The following LPCAT4 variants were observed in gnomAD, a reference collection of about 807,000 sequenced individuals.
LPCAT4 encodes lysophosphatidylcholine acyltransferase 4, also known as lysophospholipid acyltransferase LPCAT4.
Under a neutral mutation model 66.5 loss-of-function variants are expected in LPCAT4, and 30 were observed. The observed-to-expected ratio is 0.45, with a 90% CI of 0.34 to 0.61. LPCAT4 has a LOEUF of 0.61. Among genes scored for constraint, LPCAT4 ranks in the 20% least tolerant of loss-of-function variants. The pLI is 0.01. For synonymous variants in LPCAT4, 253 were observed against 262.1 expected, an observed-to-expected ratio of 0.97 and a Z score of 0.34; for missense variants, 557 against 656.7, an observed-to-expected ratio of 0.85 and a Z score of 1.66.
At position 34,364,071 on chromosome 15, in the gene LPCAT4, C is replaced by T. The variant is rs1320950995; in HGVS notation, c.594G>A (p.Val198=). Residue 198 remains valine (V), a splice_region_variant and synonymous_variant, in exon 5 of 14, where the codon GTG becomes GTA. Transcript: ENST00000314891. ...RATSGGKWPQ[V]LFFPEGTCSN... is the part of the protein sequence containing the mutation. ...AACAGGTGCCCTCAGGAAAGAATAG[C>T]ACCTGGGGTAAAAAAGAGCAGAATG... The T allele has an allele frequency of 1.2e-6, 2 of 1,612,912 alleles. No homozygotes were observed. Among genetic ancestry groups the T allele is most frequent in the South Asian group, 2.2e-5 (2 of 91,076 alleles).
Position 34,362,300 on chromosome 15 carries a change from G to C in LPCAT4, c.906C>G (p.Thr302=). 6.2e-7 allele frequency: 1 copy of C among 1,614,066 alleles called. No individual in the cohort carries two copies. Among genetic ancestry groups the C allele is most frequent in the Non-Finnish European group, 8.5e-7 (1 of 1,180,014 alleles). ...VMAQALGIPA[T]ECEFVGSLPV... ...GTAAGCTCCCTACAAACTCACATTC[G>C]GTGGCTGGAATGCCCAGAGCCCTAC... is the stretch of plus-strand genomic sequence containing the variant. The change falls in exon 10 of 14, where the codon ACC becomes ACG. Residue 302 remains threonine (T), a synonymous_variant. Transcript: ENST00000314891.
Position 34,363,186 on chromosome 15 carries a change from G to A in LPCAT4, c.746+236C>T, listed in dbSNP as rs1890990554. ...TGAGGGAGAAAATCACAGAAACATG[G>A]GAAGATAAATGCATAGCAGCCATAA... On this transcript the variant is annotated intron_variant, in intron 7 of 13. Transcript: ENST00000314891. This position sits in a 1 kb window ranked among gnomAD's most constrained non-coding sequence, Gnocchi z 4.3. Among the ~76,000 whole-genome samples, 1 of 152,160 alleles carries A rather than the reference G, an allele frequency of 6.6e-6. No homozygotes were observed. The highest frequency in any genetic ancestry group is 1.5e-5 in the Non-Finnish European group (1 of 68,026).
intron 13 of LPCAT4, 42 bp downstream of exon 13, chr15:34,359,546 GT>G: frequency 6.3e-7 from 1 of 1,593,578 alleles, no homozygotes; most frequent in Middle Eastern, 2.3e-4. Context: ...GATGCTGATG[GT>G]GCCCCAAGTG....
intron 12 of LPCAT4, 54 bp from the exon 13 acceptor site, chr15:34,359,799 C>T: frequency 6.5e-7 from 1 of 1,537,142 alleles, no homozygotes; most frequent in Non-Finnish European, 8.8e-7. Flanking sequence ...ATGGCCTCAC[C>T]CTGCCCCACA....
In LPCAT4 at chr15:34,364,233, C is replaced by T; in HGVS notation, c.552G>A (p.Glu184=). 1 of 1,614,010 alleles carries T rather than the reference C, an allele frequency of 6.2e-7. No individual in the cohort carries two copies. Among genetic ancestry groups the T allele is most frequent in the African/African-American group, 1.3e-5 (1 of 75,042 alleles). ...CTCCTGAGGTGGCCCGCCTTCGGAC[C>T]TCCTCCACCACTCTGCGTCGAGAAG... is the stretch of plus-strand genomic sequence containing the variant. ...DPASRRRVVE[E]VRRRATSGGK... The change falls in exon 4 of 14, where the codon GAG becomes GAA. Residue 184 remains glutamate (E), a synonymous_variant. Transcript: ENST00000314891.
Position 34,363,888 on chromosome 15 carries a change from G to C in LPCAT4, c.652+125C>G, listed in dbSNP as rs1891007143. On this transcript the variant is annotated intron_variant, in intron 5 of 13. Coordinates refer to ENST00000314891, the MANE Select transcript of LPCAT4 (RefSeq NM_153613.3). The surrounding 1 kb of genome is among the most constrained non-coding windows in gnomAD (Gnocchi z 4.3). ...CTCGACTTGACAGCATTAGCTAGGAGGTTCCTGGTCTCCCTTCCTCTCCCA... is the reference window on the plus strand; with the variant it reads ...CTCGACTTGACAGCATTAGCTAGGACGTTCCTGGTCTCCCTTCCTCTCCCA... 7.8e-7 allele frequency: 1 copy of C among 1,278,006 alleles called. No individual in the cohort carries two copies. Among genetic ancestry groups the C allele is most frequent in the South Asian group, 1.3e-5 (1 of 78,572 alleles). 79.2% of individuals were successfully genotyped at this position (1,278,006 alleles called of 1,614,324 possible). A position where few individuals can be genotyped will look rare whatever the true frequency, so the allele number is the denominator to read the frequency against.
chr15:34,363,789 G>A lies in LPCAT4; in HGVS notation c.653-70C>T. 1.9e-6 allele frequency: 3 copies of A among 1,551,522 alleles called. No individual in the cohort carries two copies. The highest frequency in any genetic ancestry group is 2.7e-6 in the Non-Finnish European group (3 of 1,123,366). On this transcript the variant is annotated intron_variant, in intron 5 of 13. Transcript: ENST00000314891. The surrounding 1 kb of genome is among the most constrained non-coding windows in gnomAD (Gnocchi z 4.3). ...ACACAGAAGTAGCTAGAGGGCATGA[G>A]GTATGGCAGTCTGGGACAGTTCTCA...
rs757901976 is a variant in LPCAT4 at position 34,362,243 on chromosome 15, C to T, written c.963G>A (p.Ala321=). 15 of 1,613,936 alleles carry T rather than the reference C, an allele frequency of 9.3e-6. No individual in the cohort carries two copies. Among genetic ancestry groups the T allele is most frequent in the African/African-American group, 1.3e-5 (1 of 74,870 alleles). ...CCAGTTCCCAGAGCTGTGGTTCCAA[C>T]GCCACCTTCAGCCGGCCCACCACAA... ...PVIVVGRLKV[A]LEPQLWELGK... The change falls in exon 10 of 14, where the codon GCG becomes GCA. Residue 321 remains alanine, a synonymous_variant. Coordinates refer to ENST00000314891, the MANE Select transcript of LPCAT4 (RefSeq NM_153613.3).
At chr15:34,359,365 T>C in intron 13 of LPCAT4, 63 bp from the exon 14 acceptor site, 1 of 1,437,538 alleles carries the variant, frequency 7.0e-7, no homozygotes, top group South Asian at 1.5e-5. Flanking sequence ...ATCTCCCTGC[T>C]TTTTTCTCAG....
chr15:34,365,161 T>C lies in LPCAT4; in HGVS notation c.325A>G (p.Ile109Val). Residue 109 changes from isoleucine to valine, a missense_variant, in exon 3 of 14, where the codon ATT (isoleucine) becomes GTT (valine). By Grantham distance (29) the Ile-to-Val change is conservative (BLOSUM62 3). Around this residue, in one of 4 missense-constraint regions of LPCAT4, gnomAD observed 65 missense variants for 83.5 expected, o/e 0.78. Coordinates refer to ENST00000314891, the MANE Select transcript of LPCAT4 (RefSeq NM_153613.3). ...GAGGCTCGCTGGCCACGAACGCGAATCCGGAGGAAGCCCAGCAGGAAAAAC... is the reference window on the plus strand; with the variant it reads ...GAGGCTCGCTGGCCACGAACGCGAACCCGGAGGAAGCCCAGCAGGAAAAAC... ...LLFFLLGFLR[I>V]RVRGQRASRL... 1 of 1,614,154 alleles carries C rather than the reference T, an allele frequency of 6.2e-7. No individual in the cohort carries two copies. Among genetic ancestry groups the C allele is most frequent in the Non-Finnish European group, 8.5e-7 (1 of 1,180,026 alleles).
chr15:34,359,401 CTG>C (rs1595617105), intron 13 of LPCAT4, 99 bp from the exon 14 acceptor site: 1 of 1,347,182 alleles, frequency 7.4e-7, no homozygotes. Flanking sequence ...TGCCTCTACT[CTG>C]TTTAACTTCT....
chr15:34,366,089 C>T (rs1283834801), intron 1 of LPCAT4: 1 of 176,498 alleles, frequency 5.7e-6, no homozygotes, highest in African/African-American at 2.4e-5. Flanking sequence ...TAAATAGCTC[C>T]TATGCCCAAC....
At position 34,367,046 on chromosome 15, in the gene LPCAT4, G is replaced by A. The variant is rs761572409; in HGVS notation, c.55C>T (p.Pro19Ser). ...TGCACGAAGGGGTTGGGGGATGCTG[G>A]GGGTCCGGGGGTGGGATCTAGGGGG... is the stretch of plus-strand genomic sequence containing the variant. Reference protein sequence around the residue: ...WAPLDPTPGPPASPNPFVHEL... With the variant: ...WAPLDPTPGPSASPNPFVHEL... The change falls in exon 1 of 14, where the codon CCA becomes TCA. Residue 19 changes from proline (P) to serine (S), a missense_variant. Transcript: ENST00000314891. 9 of 1,561,218 alleles carry A rather than the reference G, an allele frequency of 5.8e-6. No homozygotes were observed. Among genetic ancestry groups the A allele is most frequent in the African/African-American group, 1.3e-5 (1 of 74,110 alleles).
At position 34,365,025 on chromosome 15, in the gene LPCAT4, G is replaced by A. The variant is rs375802669; in HGVS notation, c.461C>T (p.Ser154Phe). 43 of 1,611,128 alleles carry A rather than the reference G, an allele frequency of 2.7e-5. No homozygotes were observed. In the African/African-American group the frequency reaches 4.9e-4, roughly 18 times the overall value. The change falls in exon 3 of 14, where the codon TCC becomes TTC. Residue 154 changes from serine to phenylalanine, a missense_variant. Physicochemically the swap from Ser to Phe is radical, Grantham distance 155. This residue lies in a region of LPCAT4 where 392 missense variants were observed against 473.9 expected (regional missense o/e 0.83). Transcript: ENST00000314891. ...TCTCTCACCTCCAATGACAGGAACG[G>A]AAAGGTTCTCAGCTCGGGACACAAC... ...PKVVSRAENL[S>F]VPVIGALLRF...
At position 34,363,054 on chromosome 15, in the gene LPCAT4, C is replaced by A. The variant is rs1223329528; in HGVS notation, c.747-218G>T. Among the ~76,000 whole-genome samples the A allele has an allele frequency of 1.3e-5, 2 of 151,950 alleles. No homozygotes were observed. Among genetic ancestry groups the A allele is most frequent in the Non-Finnish European group, 2.9e-5 (2 of 67,986 alleles). On this transcript the variant is annotated intron_variant, in intron 7 of 13. Coordinates refer to ENST00000314891, the MANE Select transcript of LPCAT4 (RefSeq NM_153613.3). This position sits in a 1 kb window ranked among gnomAD's most constrained non-coding sequence, Gnocchi z 4.3. ...AACGCGGTAGGGAAAGAGAGCAGAG[C>A]TGCATGGATATGCCAGAGGAAGAAC...
chr15:34,364,157 T>C, intron 4 of LPCAT4, 37 bp downstream of exon 4: 2 of 1,594,110 alleles, frequency 1.3e-6, no homozygotes, highest in Non-Finnish European at 1.7e-6. Flanking sequence ...CAGGAGCACA[T>C]GGAAAGTGAG....
Position 34,362,141 on chromosome 15 carries a change from T to TCTCC in LPCAT4, c.1010+54_1010+55insGGAG, listed in dbSNP as rs1311625001. The TCTCC allele has an allele frequency of 1.1e-5, 17 of 1,524,614 alleles. No homozygotes were observed. In the Admixed American group the frequency reaches 1.4e-4, roughly 13 times the overall value. 94.4% of individuals were successfully genotyped at this position (1,524,614 alleles called of 1,614,324 possible). A position where few individuals can be genotyped will look rare whatever the true frequency, so the allele number is the denominator to read the frequency against. On this transcript the variant is annotated intron_variant, in intron 10 of 13. Transcript: ENST00000314891. Reference sequence around the variant, plus strand: ...CTTCTCATTTCTCCCCTTCTTATTCTCTCTCTCTCTCTCTCTGTGACACTG... The same window carrying TCTCC: ...CTTCTCATTTCTCCCCTTCTTATTCTCTCCCTCTCTCTCTCTCTCTGTGACACTG...
At chr15:34,365,347 G>A (rs1221480409) in intron 2 of LPCAT4, 119 bp from the exon 3 acceptor site, 3 of 1,234,804 alleles carry the variant, frequency 2.4e-6, no homozygotes, top group African/African-American at 3.0e-5. Context: ...ATGTGACCAA[G>A]GGGCCAAGGT....
Position 34,367,068 on chromosome 15 carries a change from G to C in LPCAT4, c.33C>G (p.Pro11=), listed in dbSNP as rs995309596. Residue 11 remains proline (P), a synonymous_variant, in exon 1 of 14, where the codon CCC becomes CCG. Coordinates refer to ENST00000314891, the MANE Select transcript of LPCAT4 (RefSeq NM_153613.3). ...CTGGGGGTCCGGGGGTGGGATCTAG[G>C]GGGGCCCAGTCCCCCGGACTTCCCT... is the stretch of plus-strand genomic sequence containing the variant. MSQGSPGDWA[P]LDPTPGPPAS... is the part of the protein sequence containing the mutation. The C allele has an allele frequency of 9.0e-6, 14 of 1,556,630 alleles. No homozygotes were observed. The highest frequency in any genetic ancestry group is 1.2e-5 in the Non-Finnish European group (14 of 1,150,346).
Sources: gnomAD v4.1 joint callset for allele counts (sites outside exome capture counted in the v4.1 genomes callset) on GRCh38, gnomAD v4.1.1 for gene constraint, gnomAD v4.1.1 regional missense constraint, Gnocchi (gnomAD v3.1) non-coding constraint, MANE v1.5 for transcripts, NCBI Gene and HGNC (gene_info 2026-07-23, HGNC 2026-07-21) for gene names.